CMSS1: variants seen among roughly 807,000 people sequenced by gnomAD.
The protein encoded by CMSS1 is cms1 ribosomal small subunit homolog, also known as protein CMSS1.
In CMSS1, 33 loss-of-function variants were observed where a neutral mutation model predicts 43.5. The observed-to-expected ratio is 0.76, with a 90% confidence interval of 0.57 to 1.01. The LOEUF (loss-of-function observed/expected upper bound fraction) is 1.01. Ranked by LOEUF, CMSS1 falls within the 50% of genes least tolerant of loss-of-function variation. CMSS1 has a pLI of 0.00. For synonymous variants in CMSS1, 115 were observed against 117.2 expected, an observed-to-expected ratio of 0.98 and a Z score of 0.12; for missense variants, 313 against 326.4, an observed-to-expected ratio of 0.96 and a Z score of 0.32.
chr3:99,954,568 G>A (rs1417968207), intron 1 of CMSS1, among the ~76,000 whole-genome samples: 1 of 152,156 alleles, frequency 6.6e-6, no homozygotes, highest in East Asian at 1.9e-4. Flanking sequence ...GCTCACACCT[G>A]TAATCCCAGC....
chr3:99,830,497 T>C (rs1942635214), intron 1 of CMSS1: 1 of 456,680 alleles, frequency 2.2e-6, no homozygotes, highest in Non-Finnish European at 4.4e-6. Context: ...TTTTGGTAAA[T>C]AGGCTTATCC....
intron 1 of CMSS1, among the ~76,000 whole-genome samples, chr3:99,935,286 T>C (rs1323940640): frequency 6.6e-6 from 1 of 150,718 alleles, no homozygotes; most frequent in Non-Finnish European, 1.5e-5. Context: ...AAAGGAAAGT[T>C]GCTTTTTGTG....
chr3:99,992,745 A>G (rs1709561318), intron 1 of CMSS1, among the ~76,000 whole-genome samples: 2 of 151,954 alleles, frequency 1.3e-5, no homozygotes, highest in Admixed American at 6.6e-5. Context: ...TGCCTAGGCC[A>G]ATGTCTACAG....
intron 1 of CMSS1, among the ~76,000 whole-genome samples, chr3:100,118,897 C>T (rs2066597548): frequency 6.6e-6 from 1 of 152,114 alleles, no homozygotes; most frequent in African/African-American, 2.4e-5. Context: ...TTAGTCCCAC[C>T]CACTGACAGG....
At chr3:100,024,144 A>G (rs747412637) in intron 1 of CMSS1, among the ~76,000 whole-genome samples, 23 of 152,068 alleles carry the variant, frequency 1.5e-4, no homozygotes, top group Non-Finnish European at 2.9e-4. Context: ...TTTCAGTGTC[A>G]TGGTCGCCTA....
intron 1 of CMSS1, among the ~76,000 whole-genome samples, chr3:99,836,394 C>T (rs374931211): frequency 5.3e-5 from 8 of 152,104 alleles, no homozygotes; most frequent in East Asian, 3.9e-4. Context: ...GGGTTATGGG[C>T]GCATGCTAAG....
At chr3:99,938,313 T>G (rs185814311) in intron 1 of CMSS1, among the ~76,000 whole-genome samples, 26 of 152,348 alleles carry the variant, frequency 1.7e-4, no homozygotes, top group Non-Finnish European at 3.1e-4. Flanking sequence ...CCATCATTAG[T>G]TCTGTTTTTA....
chr3:99,906,183 G>A (rs1017262581), intron 1 of CMSS1, among the ~76,000 whole-genome samples: 2 of 152,142 alleles, frequency 1.3e-5, no homozygotes, highest in African/African-American at 4.8e-5. Context: ...GGGTGACAGG[G>A]CCAAGACCTT....
intron 1 of CMSS1, among the ~76,000 whole-genome samples, chr3:100,055,172 T>C (rs924115183): frequency 6.6e-6 from 1 of 152,180 alleles, no homozygotes; most frequent in Non-Finnish European, 1.5e-5. Context: ...GTCTCCCAGT[T>C]CTCCTCGTCC....
chr3:99,873,166 G>A (rs1187749383), intron 1 of CMSS1, among the ~76,000 whole-genome samples: 1 of 152,140 alleles, frequency 6.6e-6, no homozygotes, highest in Non-Finnish European at 1.5e-5. Flanking sequence ...TGCTTTGAAG[G>A]TTTGTGATGC....
At position 100,172,305 on chromosome 3, in the gene CMSS1, T is replaced by C; in HGVS notation, c.580-11T>C. On this transcript the variant is annotated splice_polypyrimidine_tract_variant and intron_variant, in intron 7 of 9. Transcript: ENST00000421999. ...ACTTCCTTTTCTTTCTTCTCTTTCATCTTGGAACAGGTCCAGGCGCAGGTA... is the reference window on the plus strand; with the variant it reads ...ACTTCCTTTTCTTTCTTCTCTTTCACCTTGGAACAGGTCCAGGCGCAGGTA... 1 of 1,612,554 alleles carries C rather than the reference T, an allele frequency of 6.2e-7. No homozygotes were observed. Among genetic ancestry groups the C allele is most frequent in the South Asian group, 1.1e-5 (1 of 90,990 alleles).
At chr3:100,005,457 C>T (rs1426186753) in intron 1 of CMSS1, among the ~76,000 whole-genome samples, 1 of 152,182 alleles carries the variant, frequency 6.6e-6, no homozygotes, top group Non-Finnish European at 1.5e-5. Flanking sequence ...CCACCCAAGA[C>T]CTACTAAATA....
Position 99,930,046 on chromosome 3 carries a change from T to A in CMSS1, c.64+112003T>A, listed in dbSNP as rs759065667. On this transcript the variant is annotated intron_variant, in intron 1 of 9. Coordinates refer to ENST00000421999, the MANE Select transcript of CMSS1 (RefSeq NM_032359.4). ...ATCTCGAGCCTGTAGGAACAAAAAG[T>A]ATTTCAGAAAGCCTGCTGTCTCTAC... 1.5e-5 allele frequency: 24 copies of A among 1,586,538 alleles called. No individual in the cohort carries two copies. In the East Asian group the frequency reaches 3.7e-4, roughly 24 times the overall value.
intron 1 of CMSS1, among the ~76,000 whole-genome samples, chr3:100,006,824 TG>T (rs1229098227): frequency 1.4e-4 from 21 of 152,232 alleles, no homozygotes; most frequent in African/African-American, 5.1e-4. Flanking sequence ...GCATTCTTGA[TG>T]GGTAGAACTG....
At chr3:100,136,530 C>A (rs2066754313) in intron 1 of CMSS1, among the ~76,000 whole-genome samples, 1 of 152,198 alleles carries the variant, frequency 6.6e-6, no homozygotes, top group Non-Finnish European at 1.5e-5. Context: ...TCAATGAATT[C>A]CTCATTTTCA....
chr3:100,155,908 T>A (rs2066968178), intron 2 of CMSS1, among the ~76,000 whole-genome samples: 1 of 152,156 alleles, frequency 6.6e-6, no homozygotes, highest in African/African-American at 2.4e-5. Flanking sequence ...ATGTTATTAT[T>A]TTGAAGGGGA....
chr3:100,047,492 C>T (rs2065296024), intron 1 of CMSS1, among the ~76,000 whole-genome samples: 1 of 152,146 alleles, frequency 6.6e-6, no homozygotes, highest in Non-Finnish European at 1.5e-5. Flanking sequence ...CATTATTATT[C>T]ATAACCTCTG....
intron 1 of CMSS1, among the ~76,000 whole-genome samples, chr3:100,084,648 G>A (rs1050843420): frequency 5.9e-5 from 9 of 152,170 alleles, no homozygotes; most frequent in Non-Finnish European, 8.8e-5. Context: ...GGATTTGACC[G>A]TAAAGCCATA....
chr3:99,876,201 A>G, intron 1 of CMSS1: 5 of 985,344 alleles, frequency 5.1e-6, no homozygotes, highest in African/African-American at 1.7e-5. Flanking sequence ...CGCCCGGCCT[A>G]TGGGCGTTAC....
Sources: gnomAD v4.1 joint callset for allele counts (sites outside exome capture counted in the v4.1 genomes callset) on GRCh38, gnomAD v4.1.1 for gene constraint, MANE v1.5 for transcripts, NCBI Gene and HGNC (gene_info 2026-07-23, HGNC 2026-07-21) for gene names.